Variants in DPH1 observed in about 807,000 individuals in gnomAD.
DPH1 encodes diphthamide biosynthesis 1, also known as 2-(3-amino-3-carboxypropyl)histidine synthase subunit 1.
Under a neutral mutation model 55.3 loss-of-function variants are expected in DPH1, and 59 were observed. The observed-to-expected ratio is 1.07, with a 90% CI of 0.87 to 1.33. The LOEUF is 1.33. Among genes scored for constraint, DPH1 ranks in the 40% most tolerant of loss-of-function variants. The probability of loss-of-function intolerance (pLI) is 0.00; values close to 1 mark genes in which losing one functional copy is unlikely to be tolerated. For synonymous variants in DPH1, 238 were observed against 235.5 expected, an observed-to-expected ratio of 1.01 and a Z score of -0.10; for missense variants, 628 against 584.8, an observed-to-expected ratio of 1.07 and a Z score of -0.76.
chr17:2,042,125 C>T (rs754497758), intron 12 of DPH1: 9 of 1,559,854 alleles, frequency 5.8e-6, no homozygotes, highest in Admixed American at 1.8e-5. Flanking sequence ...GTGAGAAGAC[C>T]GGGGCGCTGA....
rs1177268476 is a variant in DPH1 at position 2,036,955 on chromosome 17, G to A, written c.679G>A (p.Val227Met). ...ACTGTCCAAAGAGGTGGAGGCCGTT[G>A]TGTAAGTTAAAAATGGGGGCCAAGT... Reference protein sequence around the residue: ...PRLSKEVEAVVYLGDGRFHLE... With the variant: ...PRLSKEVEAVMYLGDGRFHLE... The change falls in exon 6 of 13, where the codon GTG becomes ATG. Residue 227 changes from valine to methionine, a missense_variant and splice_region_variant. Coordinates refer to ENST00000263083, the MANE Select transcript of DPH1 (RefSeq NM_001383.6). This position sits in a 1 kb window ranked among gnomAD's most constrained non-coding sequence, Gnocchi z 4.8. The A allele has an allele frequency of 2.5e-6, 4 of 1,611,836 alleles. No individual in the cohort carries two copies. In the Admixed American group the frequency reaches 6.7e-5, roughly 27 times the overall value.
rs568769014 is a variant in DPH1, at chr17:2,042,406, G to C, written c.*19-199G>C. On this transcript the variant is annotated intron_variant, in intron 12 of 12. Transcript: ENST00000263083. ...GCTCAAACTGCAGCCTGTCCTCCCA[G>C]GCTTCCGCCTTCACCGTCTTCCTCC... 4.8e-6 allele frequency: 6 copies of C among 1,257,898 alleles called. No individual in the cohort carries two copies. The African/African-American group carries it at 9.4e-5, about 20-fold the overall frequency. The allele number at this position is 1,257,898 out of a possible 1,614,324, so 77.9% of individuals were successfully genotyped here.
Position 2,041,757 on chromosome 17 carries a change from T to G in DPH1, c.1228-11T>G, listed in dbSNP as rs563174255. 6.2e-7 allele frequency: 1 copy of G among 1,600,602 alleles called. No individual in the cohort carries two copies. Among genetic ancestry groups the G allele is most frequent in the East Asian group, 2.3e-5 (1 of 44,224 alleles). On this transcript the variant is annotated splice_polypyrimidine_tract_variant and intron_variant, in intron 11 of 12. Coordinates refer to ENST00000263083, the MANE Select transcript of DPH1 (RefSeq NM_001383.6). Reference sequence around the variant, plus strand: ...CAGGAGCGAGACCCTAACCAAAGTCTGCGACCTCAGGTGCAGGAGGGGTCC... The same window carrying G: ...CAGGAGCGAGACCCTAACCAAAGTCGGCGACCTCAGGTGCAGGAGGGGTCC...
chr17:2,034,574 C>T (rs1161214781), intron 3 of DPH1, among the ~76,000 whole-genome samples: 1 of 87,848 alleles, frequency 1.1e-5, no homozygotes, highest in African/African-American at 4.7e-5. Context: ...CACCCTCCCT[C>T]CCCTGCTCCC....
rs1567546977 is a variant in DPH1 at position 2,039,755 on chromosome 17, G to T, written c.681G>T (p.Val227=). 5 of 1,614,136 alleles carry T rather than the reference G, an allele frequency of 3.1e-6. No homozygotes were observed. Among genetic ancestry groups the T allele is most frequent in the Non-Finnish European group, 4.2e-6 (5 of 1,180,014 alleles). The change falls in exon 7 of 13, where the codon GTG becomes GTT. Residue 227 remains valine, a splice_region_variant and synonymous_variant. Transcript: ENST00000263083. The part of the protein sequence containing the change: ...PRLSKEVEAV[V]YLGDGRFHLE... ...CTTAGCCTCCTTTCCACCCCTGCAG[G>T]TATCTTGGAGATGGCCGCTTCCATC...
chr17:2,041,944 GCCCGCCCT>G, intron 12 of DPH1, 69 bp downstream of exon 12: 2 of 1,525,818 alleles, frequency 1.3e-6, no homozygotes, highest in African/African-American at 2.8e-5. Context: ...GCGCTCCGAG[GCCCGCCCT>G]CGGGGCGGTG....
In DPH1 at chr17:2,040,423, C is replaced by T. The variant is rs776866180; in HGVS notation, c.906+49C>T. The T allele has an allele frequency of 4.3e-6, 7 of 1,613,418 alleles. No individual in the cohort carries two copies. The African/African-American group carries it at 9.3e-5, about 22-fold the overall frequency. On this transcript the variant is annotated intron_variant, in intron 8 of 12. Transcript: ENST00000263083. ...TGGAGGAGGGAAGTGACTGGGAACA[C>T]AGCTGGGAAAACCAGTAGGCCACAG...
Position 2,030,187 on chromosome 17 carries a change from A to T in DPH1, c.18A>T (p.Val6=). The T allele has an allele frequency of 6.2e-7, 1 of 1,603,100 alleles. No individual in the cohort carries two copies. Among genetic ancestry groups the T allele is most frequent in the South Asian group, 1.1e-5 (1 of 88,794 alleles). MAALV[V]SGAAEQGGRD... is the part of the protein sequence containing the mutation. ...GGCAGGTGATGGCGGCGCTGGTCGT[A>T]TCCGGGGCAGCGGAGCAGGGCGGCC... Residue 6 remains valine (V), a synonymous_variant, in exon 1 of 13, where the codon GTA becomes GTT. Transcript: ENST00000263083.
Position 2,036,763 on chromosome 17 carries a change from G to A in DPH1, c.559-72G>A, listed in dbSNP as rs934512747. On this transcript the variant is annotated intron_variant, in intron 5 of 12. Transcript: ENST00000263083. This position sits in a 1 kb window ranked among gnomAD's most constrained non-coding sequence, Gnocchi z 4.8. ...TCCAGCTGTTGCGGGATCCCCAGGT[G>A]CTCCAGGCTGTTTCTCAGCCCTGGC... The A allele has an allele frequency of 1.9e-6, 3 of 1,606,910 alleles. No homozygotes were observed. The highest frequency in any genetic ancestry group is 2.6e-6 in the Non-Finnish European group (3 of 1,175,610).
At position 2,042,979 on chromosome 17, in the gene DPH1, A is replaced by T. The variant is rs771958531; in HGVS notation, c.*393A>T. ...TGACAAAGTCATCCCCTCTCAGGAG[A>T]GTGTGCAACTGGCCAGCCAATTTCC... is the stretch of plus-strand genomic sequence containing the variant. On this transcript the variant is annotated 3_prime_UTR_variant, in exon 13 of 13. Transcript: ENST00000263083. 1.8e-5 allele frequency: 29 copies of T among 1,614,030 alleles called. No homozygotes were observed. Among genetic ancestry groups the T allele is most frequent in the South Asian group, 1.6e-4 (15 of 91,084 alleles).
Position 2,043,099 on chromosome 17 carries a change from G to C in DPH1, c.*513G>C. The C allele has an allele frequency of 1.2e-6, 2 of 1,613,074 alleles. No homozygotes were observed. The highest frequency in any genetic ancestry group is 1.7e-6 in the Non-Finnish European group (2 of 1,179,604). ...CCTCAAGTTCTTGGACCAGTTTGCA[G>C]AGTGAAAGATCAAGAAATGTCTCTG... On this transcript the variant is annotated 3_prime_UTR_variant, in exon 13 of 13. Transcript: ENST00000263083.
chr17:2,033,014 G>T (rs547136175), intron 1 of DPH1, among the ~76,000 whole-genome samples: 111 of 152,340 alleles, frequency 7.3e-4, no homozygotes, highest in Non-Finnish European at 1.1e-3. Context: ...TTACAGGCGT[G>T]AGCCACTGCG....
In DPH1 at chr17:2,036,033, C is replaced by T. The variant is rs1567544375; in HGVS notation, c.342C>T (p.Asp114=). 1 of 1,614,016 alleles carries T rather than the reference C, an allele frequency of 6.2e-7. No homozygotes were observed. The highest frequency in any genetic ancestry group is 1.1e-5 in the South Asian group (1 of 91,086). Residue 114 remains aspartate (D), a synonymous_variant, in exon 4 of 13, where the codon GAC becomes GAT. Transcript: ENST00000263083. The surrounding 1 kb of genome is among the most constrained non-coding windows in gnomAD (Gnocchi z 4.8). ...CCTACGGGGCTTGCTGTGTGGATGA[C>T]TTCACAGCGAGGGCCCTGGGAGCTG... ...DVTYGACCVD[D]FTARALGADF... is the part of the protein sequence containing the mutation.
chr17:2,035,547 A>AGGGGGCCCTGCCTGTGGTG (rs1555525131), intron 3 of DPH1, among the ~76,000 whole-genome samples: 3 of 142,484 alleles, frequency 2.1e-5, no homozygotes, highest in Admixed American at 7.1e-5. Context: ...TCCCGGCAAG[A>AGGGGGCCCTGCCTGTGGTG]GGGAGGCTGT....
chr17:2,041,276 G>A (rs1209132519), intron 10 of DPH1, 95 bp downstream of exon 10: 2 of 1,497,164 alleles, frequency 1.3e-6, no homozygotes, highest in East Asian at 4.9e-5. Context: ...ACTTCGTTAT[G>A]TTCGTAGATT....
chr17:2,033,438 C>T (rs575787575), intron 1 of DPH1, 67 bp from the exon 2 acceptor site: 94 of 1,610,312 alleles, frequency 5.8e-5, no homozygotes, highest in Middle Eastern at 1.6e-4. Context: ...GAAAAGGGAT[C>T]CCTATTCCAT....
At position 2,041,796 on chromosome 17, in the gene DPH1, C is replaced by A; in HGVS notation, c.1256C>A (p.Ser419Ter). Residue 419 changes from serine to a stop codon, truncating the protein, a stop_gained, in exon 12 of 13, where the codon TCG becomes TAG. Transcript: ENST00000263083. LOFTEE classifies it high-confidence loss of function. ...CAGGAGGGGTCCGCGCGTCCCCCTT[C>A]GGCCGTGGCTTGCGAGGACTGCAGC... Reference protein sequence around the residue: ...KVQEGSARPPSAVACEDCSCR... With the variant: ...KVQEGSARPP The A allele has an allele frequency of 6.2e-7, 1 of 1,607,028 alleles. No individual in the cohort carries two copies. Among genetic ancestry groups the A allele is most frequent in the Non-Finnish European group, 8.5e-7 (1 of 1,177,380 alleles).
rs751038673 is a variant in DPH1 at position 2,040,266 on chromosome 17, G to C, written c.798G>C (p.Gln266His). 1 of 1,614,062 alleles carries C rather than the reference G, an allele frequency of 6.2e-7. No individual in the cohort carries two copies. ...KVLSREHYDHQRMQAARQEAI... is the reference protein window; with the variant it reads ...KVLSREHYDHHRMQAARQEAI... ...TATCCAGAGAACACTATGACCACCAGCGCATGCAGGCTGCTCGCCAAGAAG... is the reference window on the plus strand; with the variant it reads ...TATCCAGAGAACACTATGACCACCACCGCATGCAGGCTGCTCGCCAAGAAG... Residue 266 changes from glutamine to histidine, a missense_variant, in exon 8 of 13, where the codon CAG becomes CAC. Gln to His is a conservative substitution (Grantham distance 24). Coordinates refer to ENST00000263083, the MANE Select transcript of DPH1 (RefSeq NM_001383.6).
rs367759006 is a variant in DPH1 at position 2,041,882 on chromosome 17, G to T, written c.*18+7G>T. ...ACGCGCTCCCGGGCCTCAGGTATCA[G>T]CCCCCGCTCTGGGTGCGCCCCGCCT... On this transcript the variant is annotated splice_region_variant and intron_variant, in intron 12 of 12. Coordinates refer to ENST00000263083, the MANE Select transcript of DPH1 (RefSeq NM_001383.6). 76 of 1,568,394 alleles carry T rather than the reference G, an allele frequency of 4.8e-5. No individual in the cohort carries two copies. Among genetic ancestry groups the T allele is most frequent in the East Asian group, 1.9e-4 (8 of 42,828 alleles).
Sources: allele counts gnomAD v4.1 joint callset (sites outside exome capture counted in the v4.1 genomes callset), GRCh38; gene constraint gnomAD v4.1.1; non-coding constraint Gnocchi (gnomAD v3.1); transcripts MANE v1.5; gene names NCBI Gene and HGNC (gene_info 2026-07-23, HGNC 2026-07-21).